MYO10: variants seen among roughly 807,000 people sequenced by gnomAD.
MYO10 encodes the protein myosin X.
MYO10 carries 133 observed loss-of-function variants against 257.3 expected under a neutral mutation model. That is an observed-to-expected ratio of 0.52 (90% CI 0.45 to 0.60). The LOEUF (loss-of-function observed/expected upper bound fraction) is 0.60. Ranked by LOEUF, MYO10 falls within the 20% of genes least tolerant of loss-of-function variation. The probability of loss-of-function intolerance (pLI) is 0.00; values close to 1 mark genes in which losing one functional copy is unlikely to be tolerated. For missense variants in MYO10, 2,399 were observed against 2,635.7 expected (o/e 0.91, Z 1.97); for synonymous variants, 1,104 against 1,028.6 (o/e 1.07, Z -1.40).
intron 19 of MYO10, among the ~76,000 whole-genome samples, chr5:16,722,122 G>A (rs960398926): frequency 2.0e-5 from 3 of 152,154 alleles, no homozygotes; most frequent in Non-Finnish European, 4.4e-5. Flanking sequence ...TCTTTTAGGT[G>A]TCTCTCAAAT....
At chr5:16,667,806 T>C (rs1186691647) in intron 40 of MYO10, among the ~76,000 whole-genome samples, 1 of 152,104 alleles carries the variant, frequency 6.6e-6, no homozygotes, top group Non-Finnish European at 1.5e-5. Flanking sequence ...GTAGCACATA[T>C]ATTTAGAGGC....
intron 1 of MYO10, among the ~76,000 whole-genome samples, chr5:16,893,251 C>T (rs955153981): frequency 6.8e-6 from 1 of 147,216 alleles, no homozygotes; most frequent in East Asian, 2.0e-4. Context: ...AACAGAAAAG[C>T]GATAAGGAGG....
At chr5:16,716,110 A>G (rs549867495) in intron 19 of MYO10, among the ~76,000 whole-genome samples, 2 of 151,814 alleles carry the variant, frequency 1.3e-5, no homozygotes, top group East Asian at 3.9e-4. Context: ...TTTAAAATGG[A>G]CAAGAAATGG....
intron 2 of MYO10, among the ~76,000 whole-genome samples, chr5:16,842,007 G>A (rs1743495769): frequency 6.6e-6 from 1 of 150,724 alleles, no homozygotes; most frequent in Admixed American, 6.6e-5. Flanking sequence ...TGACTTTGGG[G>A]TGGGGGGGCT....
chr5:16,672,771 C>T lies in MYO10; in HGVS notation c.5227G>A (p.Ala1743Thr). ...LAMEDSRNMF[A>T]LFEYNGHVDK... ...ACGTGGCCGTTGTATTCAAACAAAG[C>T]AAACATGTTCCTGCTGTCCTCCATG... The change falls in exon 37 of 41, where the codon GCT (alanine) becomes ACT (threonine). Residue 1743 changes from alanine to threonine, a missense_variant. Transcript: ENST00000513610. 6.2e-7 allele frequency: 1 copy of T among 1,613,954 alleles called. No individual in the cohort carries two copies. The highest frequency in any genetic ancestry group is 1.1e-5 in the South Asian group (1 of 91,072).
rs183022647 is a variant in MYO10 at position 16,662,411 on chromosome 5, C to G, written c.*4281G>C. On this transcript the variant is annotated 3_prime_UTR_variant, in exon 41 of 41. Coordinates refer to ENST00000513610, the MANE Select transcript of MYO10 (RefSeq NM_012334.3). ...CCATCATGGCTCCCTGCAGCTTTGA[C>G]CTCCTGGGTTCAAACGATTTTCTCA... 8.5e-5 allele frequency: 12 copies of G among 141,580 alleles called. No individual in the cohort carries two copies. The East Asian group carries it at 2.7e-3, about 32-fold the overall frequency. 8.8% of individuals were successfully genotyped at this position (141,580 alleles called of 1,614,324 possible). A position where few individuals can be genotyped will look rare whatever the true frequency, so the allele number is the denominator to read the frequency against.
chr5:16,858,470 T>C (rs1744026245), intron 2 of MYO10, among the ~76,000 whole-genome samples: 1 of 151,474 alleles, frequency 6.6e-6, no homozygotes, highest in Admixed American at 6.6e-5. Flanking sequence ...CGAGGTTTAA[T>C]TTGCATGCAA....
chr5:16,759,699 C>G (rs531438365), intron 17 of MYO10, among the ~76,000 whole-genome samples: 1 of 152,200 alleles, frequency 6.6e-6, no homozygotes, highest in Non-Finnish European at 1.5e-5. Flanking sequence ...ACTGCCTCTA[C>G]TTAACATCAA....
At chr5:16,867,548 T>C (rs975680836) in intron 2 of MYO10, among the ~76,000 whole-genome samples, 22 of 152,146 alleles carry the variant, frequency 1.4e-4, no homozygotes, top group African/African-American at 4.8e-4. Context: ...AAAAATGCAA[T>C]GAGAAGTCAC....
intron 19 of MYO10, among the ~76,000 whole-genome samples, chr5:16,717,680 C>T (rs1044540669): frequency 5.9e-5 from 9 of 152,230 alleles, no homozygotes; most frequent in Non-Finnish European, 1.2e-4. Context: ...CGGACCATAT[C>T]CTTACTTCGC....
At chr5:16,840,388 G>T (rs1743440124) in intron 2 of MYO10, among the ~76,000 whole-genome samples, 1 of 151,190 alleles carries the variant, frequency 6.6e-6, no homozygotes, top group Non-Finnish European at 1.5e-5. Flanking sequence ...CTCCAGCCTG[G>T]GCGACAGAGC....
In MYO10 at chr5:16,818,363, TGTGTGTGTGTGTGTGTGC is replaced by T. The variant is rs1202155671; in HGVS notation, c.121-214_121-197del. 3.1e-4 allele frequency among the ~76,000 whole-genome samples: 10 copies of T among 31,752 alleles called. No individual in the cohort carries two copies. In the East Asian group the frequency reaches 8.5e-3, roughly 27 times the overall value. 20.8% of individuals were successfully genotyped at this position (31,752 alleles called of 152,430 possible). A position where few individuals can be genotyped will look rare whatever the true frequency, so the allele number is the denominator to read the frequency against. On this transcript the variant is annotated intron_variant, in intron 2 of 40. Transcript: ENST00000513610. ...CTCTCTCTCTCTGTGTGTGTATGTATGTGTGTGTGTGTGTGTGCGTGTGTGTGTGTGTGTGTGTGTGTG... is the reference window on the plus strand; with the variant it reads ...CTCTCTCTCTCTGTGTGTGTATGTATGTGTGTGTGTGTGTGTGTGTGTGTG...
rs374819120 is a variant in MYO10 at position 16,822,966 on chromosome 5, C to T, written c.121-4799G>A. ...CCTCCCAAAGTGCTGGGATTACAGG[C>T]GTGAGCCACCGCACCCGGCCTAATT... On this transcript the variant is annotated intron_variant, in intron 2 of 40. Transcript: ENST00000513610. Among the ~76,000 whole-genome samples, 7 of 151,442 alleles carry T rather than the reference C, an allele frequency of 4.6e-5. No homozygotes were observed. The East Asian group carries it at 8.0e-4, about 17-fold the overall frequency.
chr5:16,703,606 CG>C (rs1443980750), intron 22 of MYO10, among the ~76,000 whole-genome samples: 1 of 152,102 alleles, frequency 6.6e-6, no homozygotes. Context: ...AGGCCAGGTG[CG>C]GTGGCTCATG....
At chr5:16,740,973 T>C (rs1739998003) in intron 19 of MYO10, among the ~76,000 whole-genome samples, 1 of 152,168 alleles carries the variant, frequency 6.6e-6, no homozygotes, top group East Asian at 1.9e-4. Context: ...TTTAGCCTAG[T>C]AGCAGTCAGC....
At chr5:16,807,232 A>G (rs745557161) in intron 3 of MYO10, among the ~76,000 whole-genome samples, 2 of 152,112 alleles carry the variant, frequency 1.3e-5, no homozygotes, top group Non-Finnish European at 2.9e-5. Flanking sequence ...ACAGATCCAT[A>G]TGTTCAGTGG....
chr5:16,749,515 C>T (rs970720891), intron 19 of MYO10, among the ~76,000 whole-genome samples: 2 of 151,896 alleles, frequency 1.3e-5, no homozygotes, highest in African/African-American at 4.8e-5. Context: ...TAAACCCTAT[C>T]CCAAGAGGCT....
At chr5:16,901,020 C>G (rs12108703) in intron 1 of MYO10, among the ~76,000 whole-genome samples, 1 of 152,108 alleles carries the variant, frequency 6.6e-6, no homozygotes, top group South Asian at 2.1e-4. Context: ...CATGAGCCAC[C>G]ACGCCTGGCC....
chr5:16,931,190 G>A (rs1198823798), intron 1 of MYO10, among the ~76,000 whole-genome samples: 1 of 152,148 alleles, frequency 6.6e-6, no homozygotes, highest in Non-Finnish European at 1.5e-5. Flanking sequence ...AGAATCGCTT[G>A]AACCCGGGAG....
Sources: gnomAD v4.1 joint callset for allele counts (sites outside exome capture counted in the v4.1 genomes callset) on GRCh38, gnomAD v4.1.1 for gene constraint, MANE v1.5 for transcripts, NCBI Gene and HGNC (gene_info 2026-07-23, HGNC 2026-07-21) for gene names.